RPS6KA5: variants seen among roughly 807,000 people sequenced by gnomAD.
RPS6KA5 encodes the protein ribosomal protein S6 kinase A5.
In RPS6KA5, 27 loss-of-function variants were observed where a neutral mutation model predicts 85.5. That is an observed-to-expected ratio of 0.32 (90% CI 0.23 to 0.44). RPS6KA5 has a LOEUF of 0.44. Among genes scored for constraint, RPS6KA5 ranks in the 20% least tolerant of loss-of-function variants. RPS6KA5 has a pLI of 1.00. For missense variants in RPS6KA5, 811 were observed against 980.9 expected (o/e 0.83, Z 2.31); for synonymous variants, 334 against 348.2 (o/e 0.96, Z 0.46).
At chr14:91,021,802 T>C (rs2041793479) in intron 1 of RPS6KA5, among the ~76,000 whole-genome samples, 1 of 152,158 alleles carries the variant, frequency 6.6e-6, no homozygotes, top group Non-Finnish European at 1.5e-5. Context: ...ACATGCCCCC[T>C]TTCTTTACTT....
At chr14:90,887,525 C>G (rs934272189) in intron 14 of RPS6KA5, among the ~76,000 whole-genome samples, 4 of 151,856 alleles carry the variant, frequency 2.6e-5, no homozygotes, top group African/African-American at 9.7e-5. Context: ...ATATCAGTAT[C>G]ACATCTAAAA....
At chr14:91,047,985 C>A (rs181667759) in intron 1 of RPS6KA5, among the ~76,000 whole-genome samples, 49 of 152,290 alleles carry the variant, frequency 3.2e-4, no homozygotes, top group Non-Finnish European at 1.5e-4. Context: ...TTTCATTGAG[C>A]CCACATGGAT....
rs2032612687 is a variant in RPS6KA5 at position 90,862,500 on chromosome 14, C to A, written c.*9574G>T. ...TTCTTTTTTTAATGCTAGGCTCCTG[C>A]TCTGTTGCCCAGGTGGGAGTACAGT... is the stretch of plus-strand genomic sequence containing the variant. On this transcript the variant is annotated 3_prime_UTR_variant, in exon 17 of 17. Coordinates refer to ENST00000614987, the MANE Select transcript of RPS6KA5 (RefSeq NM_004755.4). 6.6e-6 allele frequency: 1 copy of A among 151,956 alleles called. No individual in the cohort carries two copies. Among genetic ancestry groups the A allele is most frequent in the African/African-American group, 2.4e-5 (1 of 41,298 alleles). The allele number at this position is 151,956 out of a possible 1,614,324, so 9.4% of individuals were successfully genotyped here. A position where few individuals can be genotyped will look rare whatever the true frequency, so the allele number is the denominator to read the frequency against.
chr14:90,894,267 T>C, intron 13 of RPS6KA5, 146 bp downstream of exon 13: 1 of 1,263,844 alleles, frequency 7.9e-7, no homozygotes, highest in Non-Finnish European at 1.0e-6. Flanking sequence ...AGAAAAAACA[T>C]CAAAGAAACG....
intron 14 of RPS6KA5, among the ~76,000 whole-genome samples, chr14:90,889,592 A>T (rs1001707254): frequency 1.3e-5 from 2 of 152,048 alleles, no homozygotes; most frequent in Non-Finnish European, 2.9e-5. Flanking sequence ...ACACATATAT[A>T]AAAAAAATTC....
chr14:90,966,885 G>A (rs2039088711), intron 3 of RPS6KA5, among the ~76,000 whole-genome samples: 1 of 152,182 alleles, frequency 6.6e-6, no homozygotes. Flanking sequence ...AAGAGAACTG[G>A]TAATAACAGT....
At chr14:90,899,741 T>G (rs528283999) in intron 11 of RPS6KA5, among the ~76,000 whole-genome samples, 1 of 152,326 alleles carries the variant, frequency 6.6e-6, no homozygotes, top group South Asian at 2.1e-4. Context: ...TAGATGGCTC[T>G]CAAAGCTATC....
In RPS6KA5 at chr14:90,920,214, C is replaced by G; in HGVS notation, c.798G>C (p.Glu266Asp). The change falls in exon 7 of 17, where the codon GAG becomes GAC. Residue 266 changes from glutamate (E) to aspartate (D), a missense_variant. Glu to Asp is a conservative substitution (Grantham distance 45). Transcript: ENST00000614987. ...ATTTTGTCAAATCTTACCTAGATAT[C>G]TCAGCTTGGGAATTTTTTTCTCCAT... is the stretch of plus-strand genomic sequence containing the variant. ...TVDGEKNSQA[E>D]ISRRILKSEP... is the part of the protein sequence containing the mutation. 6.3e-7 allele frequency: 1 copy of G among 1,596,194 alleles called. No homozygotes were observed. Among genetic ancestry groups the G allele is most frequent in the South Asian group, 1.1e-5 (1 of 90,732 alleles).
intron 2 of RPS6KA5, among the ~76,000 whole-genome samples, chr14:90,995,709 T>C (rs1462203908): frequency 6.6e-6 from 1 of 152,122 alleles, no homozygotes; most frequent in African/African-American, 2.4e-5. Flanking sequence ...ATCTAAGCAG[T>C]TGATAGAAAG....
chr14:90,945,647 T>C (rs1392032146), intron 4 of RPS6KA5, among the ~76,000 whole-genome samples: 7 of 152,222 alleles, frequency 4.6e-5, no homozygotes, highest in East Asian at 3.9e-4. Flanking sequence ...TCCATATCAA[T>C]TGCAGTTATA....
intron 12 of RPS6KA5, among the ~76,000 whole-genome samples, chr14:90,898,524 G>A (rs1028541629): frequency 6.6e-6 from 1 of 152,168 alleles, no homozygotes; most frequent in African/African-American, 2.4e-5. Flanking sequence ...TATTAGATTC[G>A]CATTGACATG....
At chr14:90,973,907 A>G (rs1256640581) in intron 3 of RPS6KA5, among the ~76,000 whole-genome samples, 1 of 151,710 alleles carries the variant, frequency 6.6e-6, no homozygotes, top group East Asian at 1.9e-4. Flanking sequence ...GTGTGGTGGC[A>G]GGTGCCTATA....
At chr14:90,919,951 C>T (rs745624777) in intron 7 of RPS6KA5, among the ~76,000 whole-genome samples, 14 of 152,190 alleles carry the variant, frequency 9.2e-5, no homozygotes, top group Admixed American at 1.3e-4. Flanking sequence ...ATGCTAAGTG[C>T]TCTGGGGCAC....
chr14:90,960,713 C>A (rs1318431761), intron 3 of RPS6KA5, among the ~76,000 whole-genome samples: 2 of 152,346 alleles, frequency 1.3e-5, no homozygotes, highest in African/African-American at 4.8e-5. Context: ...CCCTGAATAA[C>A]TTTTCTGCCA....
chr14:90,913,794 C>G (rs2035961282), intron 7 of RPS6KA5, among the ~76,000 whole-genome samples: 1 of 152,092 alleles, frequency 6.6e-6, no homozygotes, highest in South Asian at 2.1e-4. Flanking sequence ...AAACTCAGAC[C>G]TTGGGGGTTC....
intron 2 of RPS6KA5, among the ~76,000 whole-genome samples, chr14:90,988,583 G>A (rs2040162948): frequency 6.6e-6 from 1 of 152,138 alleles, no homozygotes; most frequent in South Asian, 2.1e-4. Flanking sequence ...TTGGGAGGCC[G>A]AGGCGGGTGC....
Position 90,943,179 on chromosome 14 carries a change from T to C in RPS6KA5, c.517A>G (p.Ile173Val). ...LALEHLHKLG[I>V]IYRDIKLENI... ...TCAAGCTTAATATCACGATATATAA[T>C]CCCCAACTGCAAAAACAAAGAAATA... The change falls in exon 5 of 17, where the codon ATT becomes GTT. Residue 173 changes from isoleucine (I) to valine (V), a missense_variant. Physicochemically the swap from Ile to Val is conservative, Grantham distance 29. Around this residue, in one of 3 missense-constraint regions of RPS6KA5, gnomAD observed 650 missense variants for 793.4 expected, o/e 0.82. Coordinates refer to ENST00000614987, the MANE Select transcript of RPS6KA5 (RefSeq NM_004755.4). 2 of 1,541,628 alleles carry C rather than the reference T, an allele frequency of 1.3e-6. No homozygotes were observed. Among genetic ancestry groups the C allele is most frequent in the Non-Finnish European group, 1.8e-6 (2 of 1,120,374 alleles).
chr14:90,993,746 C>T (rs918327012), intron 2 of RPS6KA5, among the ~76,000 whole-genome samples: 5 of 152,072 alleles, frequency 3.3e-5, no homozygotes, highest in Admixed American at 3.3e-4. Flanking sequence ...ATAAGAATTT[C>T]TTTATACTTG....
rs200867387 is a variant in RPS6KA5, at chr14:91,032,174, G to C, written c.103+28158C>G. The stretch of plus-strand genomic sequence containing the variant: ...CATGTGACCAAAAATTCAACATACA[G>C]AAAAGTCTAGTAAAGAGGATTTCAA... On this transcript the variant is annotated intron_variant, in intron 1 of 16. Transcript: ENST00000614987. Among the ~76,000 whole-genome samples the C allele has an allele frequency of 3.3e-5, 5 of 152,130 alleles. No individual in the cohort carries two copies. The East Asian group carries it at 7.8e-4, about 24-fold the overall frequency.
Sources: gnomAD v4.1 joint callset for allele counts (sites outside exome capture counted in the v4.1 genomes callset) on GRCh38, gnomAD v4.1.1 for gene constraint, gnomAD v4.1.1 regional missense constraint, MANE v1.5 for transcripts, NCBI Gene and HGNC (gene_info 2026-07-23, HGNC 2026-07-21) for gene names.